The following MACROD2 variants were observed in gnomAD, a reference collection of about 807,000 sequenced individuals.
MACROD2 encodes the protein ADP-ribose glycohydrolase MACROD2.
A neutral mutation model predicts 70.4 loss-of-function variants in MACROD2; 36 were observed. That is an observed-to-expected ratio of 0.51 (90% CI 0.39 to 0.68). The LOEUF (loss-of-function observed/expected upper bound fraction) is 0.68, where lower values mean the gene tolerates loss of function less well. MACROD2 is among the 30% of genes least tolerant of loss of function. MACROD2 has a pLI of 0.00. For synonymous variants in MACROD2, 172 were observed against 178.8 expected (o/e 0.96, Z 0.30); for missense variants, 496 against 538.4 (o/e 0.92, Z 0.78).
chr20:15,376,534 G>C (rs1274111453), intron 6 of MACROD2, among the ~76,000 whole-genome samples: 1 of 152,136 alleles, frequency 6.6e-6, no homozygotes, highest in Non-Finnish European at 1.5e-5. Flanking sequence ...TATAGATAAT[G>C]CCACTAATTT....
intron 8 of MACROD2, among the ~76,000 whole-genome samples, chr20:15,545,334 G>T (rs2048012379): frequency 6.6e-6 from 1 of 152,112 alleles, no homozygotes; most frequent in East Asian, 1.9e-4. Context: ...CAAATCACTG[G>T]TTTGCAACTT....
At chr20:14,052,943 T>C (rs938056708) in intron 2 of MACROD2, among the ~76,000 whole-genome samples, 3 of 152,006 alleles carry the variant, frequency 2.0e-5, no homozygotes, top group Non-Finnish European at 2.9e-5. Flanking sequence ...CAAAGATAAG[T>C]GAGCATAAAA....
intron 5 of MACROD2, among the ~76,000 whole-genome samples, chr20:15,188,960 T>G (rs2076551809): frequency 6.6e-6 from 1 of 152,166 alleles, no homozygotes; most frequent in African/African-American, 2.4e-5. Context: ...CAGACATCAG[T>G]GCTATTTATC....
At chr20:15,085,873 AAC>A (rs3070249) in intron 5 of MACROD2, among the ~76,000 whole-genome samples, 36,744 of 144,158 alleles carry the variant, frequency 0.25, 5,150 homozygotes, top group Non-Finnish European at 0.34. Context: ...ACACACACAC[AAC>A]ACACACACAC....
chr20:14,063,281 AT>A (rs1217090425), intron 2 of MACROD2, among the ~76,000 whole-genome samples: 8 of 152,304 alleles, frequency 5.3e-5, no homozygotes, highest in Middle Eastern at 3.4e-3. Flanking sequence ...AAAGATGGAA[AT>A]TTATTTCTTT....
chr20:15,228,942 A>G (rs1250881537), intron 5 of MACROD2, among the ~76,000 whole-genome samples: 6 of 152,204 alleles, frequency 3.9e-5, no homozygotes, highest in Non-Finnish European at 7.3e-5. Context: ...TTTCGTTATA[A>G]TACTCCAATT....
chr20:14,805,864 G>T (rs1391533752), intron 5 of MACROD2, among the ~76,000 whole-genome samples: 1 of 152,120 alleles, frequency 6.6e-6, no homozygotes, highest in Middle Eastern at 3.4e-3. Context: ...AGAATTTCAG[G>T]TTGTCTGTTA....
At chr20:15,084,795 T>C (rs1421125888) in intron 5 of MACROD2, among the ~76,000 whole-genome samples, 1 of 152,212 alleles carries the variant, frequency 6.6e-6, no homozygotes, top group African/African-American at 2.4e-5. Flanking sequence ...CAAAGGTGTT[T>C]GCCATACTCA....
At chr20:15,485,701 A>G (rs904274799) in intron 7 of MACROD2, among the ~76,000 whole-genome samples, 1 of 152,176 alleles carries the variant, frequency 6.6e-6, no homozygotes, top group South Asian at 2.1e-4. Flanking sequence ...TCATTCGTCA[A>G]ACACTTGCTA....
chr20:14,206,761 C>A (rs2081527479), intron 3 of MACROD2, among the ~76,000 whole-genome samples: 1 of 151,478 alleles, frequency 6.6e-6, no homozygotes, highest in Admixed American at 6.6e-5. Context: ...TAGAGGCAAT[C>A]TTTGATTCTT....
At chr20:15,219,771 T>A (rs1429128022) in intron 5 of MACROD2, among the ~76,000 whole-genome samples, 1 of 152,156 alleles carries the variant, frequency 6.6e-6, no homozygotes, top group Non-Finnish European at 1.5e-5. Flanking sequence ...TGCTACTTTT[T>A]AAAGAAATGT....
At chr20:15,086,079 C>T (rs1486252315) in intron 5 of MACROD2, among the ~76,000 whole-genome samples, 1 of 152,036 alleles carries the variant, frequency 6.6e-6, no homozygotes, top group Non-Finnish European at 1.5e-5. Context: ...GGAGTCCCAG[C>T]AATACACGTC....
At chr20:15,023,592 C>T (rs1246373091) in intron 5 of MACROD2, among the ~76,000 whole-genome samples, 1 of 152,124 alleles carries the variant, frequency 6.6e-6, no homozygotes, top group Non-Finnish European at 1.5e-5. Context: ...ACGATCATGG[C>T]AGAGGGCAAA....
At chr20:15,857,217 T>G (rs1354056093) in intron 8 of MACROD2, among the ~76,000 whole-genome samples, 1 of 152,194 alleles carries the variant, frequency 6.6e-6, no homozygotes, top group Non-Finnish European at 1.5e-5. Context: ...GGAATGGAGC[T>G]GGTGAAGATG....
intron 3 of MACROD2, among the ~76,000 whole-genome samples, chr20:14,411,080 A>G (rs1248136650): frequency 6.6e-6 from 1 of 152,118 alleles, no homozygotes; most frequent in Non-Finnish European, 1.5e-5. Context: ...TATTGATCTT[A>G]AAGTGTTTGC....
At chr20:15,084,359 C>T (rs1266093872) in intron 5 of MACROD2, among the ~76,000 whole-genome samples, 2 of 152,098 alleles carry the variant, frequency 1.3e-5, no homozygotes, top group African/African-American at 2.4e-5. Context: ...TGAGCCACCA[C>T]ACCCGGCCAA....
At chr20:14,416,268 C>T (rs1041727710) in intron 3 of MACROD2, among the ~76,000 whole-genome samples, 5 of 152,066 alleles carry the variant, frequency 3.3e-5, no homozygotes, top group African/African-American at 1.2e-4. Flanking sequence ...CTGTTGGCCT[C>T]TATTTTTTTA....
intron 3 of MACROD2, chr20:14,325,378 AC>A: frequency 1.8e-6 from 1 of 551,586 alleles, no homozygotes; most frequent in Admixed American, 3.7e-5. Flanking sequence ...CGCAGCAGTA[AC>A]CTGAAATTTG....
chr20:15,695,789 A>ATTT (rs34511421), intron 8 of MACROD2, among the ~76,000 whole-genome samples: 8 of 150,030 alleles, frequency 5.3e-5, no homozygotes, highest in East Asian at 2.0e-4. Context: ...ATTCCTGCGT[A>ATTT]TTTTTTTTTC....
Sources: allele counts gnomAD v4.1 joint callset (sites outside exome capture counted in the v4.1 genomes callset), GRCh38; gene constraint gnomAD v4.1.1; transcripts MANE v1.5; gene names NCBI Gene and HGNC (gene_info 2026-07-23, HGNC 2026-07-21).